Variants in DLEC1 observed in about 807,000 individuals in gnomAD.
DLEC1 encodes the protein deleted in lung and esophageal cancer protein 1.
DLEC1 carries 146 observed loss-of-function variants against 198.1 expected under a neutral mutation model. The observed-to-expected ratio is 0.74, with a 90% CI of 0.64 to 0.85. The LOEUF (loss-of-function observed/expected upper bound fraction) is 0.85, where lower values mean the gene tolerates loss of function less well. Ranked by LOEUF, DLEC1 falls within the 40% of genes least tolerant of loss-of-function variation. DLEC1 has a pLI of 0.00. For missense variants in DLEC1, 2,233 were observed against 2,220.0 expected, an observed-to-expected ratio of 1.01 and a Z score of -0.12; for synonymous variants, 897 against 866.8, an observed-to-expected ratio of 1.03 and a Z score of -0.61.
At chr3:38,059,350 G>A (rs1021208855) in intron 2 of DLEC1, among the ~76,000 whole-genome samples, 2 of 152,234 alleles carry the variant, frequency 1.3e-5, no homozygotes, top group East Asian at 1.9e-4. Flanking sequence ...GCCAAAGCAC[G>A]TCACATGGCC....
chr3:38,081,948 C>T (rs1197225855), intron 6 of DLEC1, among the ~76,000 whole-genome samples: 3 of 145,240 alleles, frequency 2.1e-5, no homozygotes, highest in African/African-American at 7.6e-5. Context: ...AGATGCTCCT[C>T]ACTTCCCAGA....
intron 1 of DLEC1, among the ~76,000 whole-genome samples, chr3:38,041,446 A>T (rs2125566861): frequency 6.6e-6 from 1 of 152,332 alleles, no homozygotes; most frequent in East Asian, 1.9e-4. Flanking sequence ...CCTGGCCCAC[A>T]TTATAAAAAT....
intron 22 of DLEC1, 79 bp from the exon 23 acceptor site, chr3:38,110,020 C>A: frequency 1.3e-6 from 2 of 1,520,278 alleles, no homozygotes; most frequent in East Asian, 2.3e-5. Flanking sequence ...CTTCTGCATG[C>A]CCACCCAAGA....
intron 2 of DLEC1, among the ~76,000 whole-genome samples, chr3:38,057,219 A>G (rs1319336634): frequency 6.6e-6 from 1 of 152,252 alleles, no homozygotes; most frequent in African/African-American, 2.4e-5. Flanking sequence ...AGCTGGGCAC[A>G]GTGGCTCACG....
At chr3:38,063,808 C>T (rs1039020623) in intron 5 of DLEC1, 33 bp from the exon 6 acceptor site, 3 of 1,530,652 alleles carry the variant, frequency 2.0e-6, no homozygotes, top group Non-Finnish European at 2.7e-6. Flanking sequence ...ATGAAACTAA[C>T]AGCCTTTCTC....
intron 6 of DLEC1, among the ~76,000 whole-genome samples, chr3:38,069,249 A>T (rs1404442823): frequency 1.3e-5 from 2 of 152,092 alleles, no homozygotes; most frequent in African/African-American, 2.4e-5. Context: ...AAAAACCCAA[A>T]ACTTTCCACA....
At chr3:38,120,410 C>A (rs752698716) in intron 33 of DLEC1, 38 bp from the exon 34 acceptor site, 2 of 1,609,694 alleles carry the variant, frequency 1.2e-6, no homozygotes, top group Non-Finnish European at 1.7e-6. Context: ...CACCTGCCCT[C>A]TGCAGCCGGA....
chr3:38,061,599 A>G (rs1696690604), intron 3 of DLEC1, among the ~76,000 whole-genome samples: 1 of 152,224 alleles, frequency 6.6e-6, no homozygotes, highest in Non-Finnish European at 1.5e-5. Context: ...TGTGTGTGAC[A>G]GTGGTCTACT....
intron 18 of DLEC1, 68 bp from the exon 19 acceptor site, chr3:38,100,218 C>T (rs1047172134): frequency 2.0e-6 from 3 of 1,508,002 alleles, no homozygotes; most frequent in South Asian, 1.3e-5. Flanking sequence ...TAGGCATGGC[C>T]AGCCCCCAGT....
rs1463970072 is a variant in DLEC1 at position 38,107,731 on chromosome 3, G to A, written c.3012G>A (p.Trp1004Ter). The stretch of plus-strand genomic sequence containing the variant: ...CGCTCCTGCCTACCCAGTTCCACTG[G>A]GGCAAGGTGAGTGAGCCCACAGCAT... Reference protein sequence around the residue: ...NGTLLPTQFHWGKLLGHQAEF... With the variant: ...NGTLLPTQFH Residue 1004 changes from tryptophan (W) to a stop codon, truncating the protein, a stop_gained, in exon 20 of 37, where the codon TGG becomes TGA. Coordinates refer to ENST00000308059, the MANE Select transcript of DLEC1 (RefSeq NM_007335.4). LOFTEE classifies it high-confidence loss of function. 9 of 1,613,492 alleles carry A rather than the reference G, an allele frequency of 5.6e-6. No individual in the cohort carries two copies. The highest frequency in any genetic ancestry group is 7.6e-6 in the Non-Finnish European group (9 of 1,179,798).
At chr3:38,117,337 C>T in intron 31 of DLEC1, 35 bp downstream of exon 31, 1 of 1,610,350 alleles carries the variant, frequency 6.2e-7, no homozygotes, top group Non-Finnish European at 8.5e-7. Context: ...TCCTTTCATC[C>T]CCATGGGGTG....
chr3:38,046,787 C>T (rs745315695), intron 2 of DLEC1, among the ~76,000 whole-genome samples: 1 of 152,186 alleles, frequency 6.6e-6, no homozygotes, highest in Non-Finnish European at 1.5e-5. Context: ...CTTTTTCCCC[C>T]CCTCAGGCCC....
intron 1 of DLEC1, among the ~76,000 whole-genome samples, chr3:38,044,138 T>C (rs759362178): frequency 3.3e-5 from 5 of 151,970 alleles, no homozygotes; most frequent in Non-Finnish European, 7.4e-5. Flanking sequence ...TCCCAGCTAC[T>C]TGGAGGCTGA....
intron 11 of DLEC1, 82 bp from the exon 12 acceptor site, chr3:38,093,523 G>A: frequency 6.6e-7 from 1 of 1,526,042 alleles, no homozygotes; most frequent in Non-Finnish European, 9.0e-7. Context: ...GCATGTGGAT[G>A]GCGGCATGGG....
chr3:38,050,639 TC>T (rs1183916317), intron 2 of DLEC1, among the ~76,000 whole-genome samples: 1 of 152,114 alleles, frequency 6.6e-6, no homozygotes, highest in Non-Finnish European at 1.5e-5. Flanking sequence ...AGGGGTCCAC[TC>T]CCATGACCCA....
chr3:38,084,195 G>A lies in DLEC1; in HGVS notation c.1211G>A (p.Arg404His), dbSNP rs199507233. 307 of 1,613,102 alleles carry A rather than the reference G, an allele frequency of 1.9e-4. No individual in the cohort carries two copies. The highest frequency in any genetic ancestry group is 2.5e-4 in the Non-Finnish European group (291 of 1,179,404). ...IALQNTTTTS[R>H]YLRVLPPSTP... ...CTGCAGAACACCACCACGACCAGCCGCTACCTGCGAGTCCTCCCGCCTTCC... is the reference window on the plus strand; with the variant it reads ...CTGCAGAACACCACCACGACCAGCCACTACCTGCGAGTCCTCCCGCCTTCC... The change falls in exon 7 of 37, where the codon CGC becomes CAC. Residue 404 changes from arginine (R) to histidine (H), a missense_variant. Arg to His is a conservative substitution (Grantham distance 29). Coordinates refer to ENST00000308059, the MANE Select transcript of DLEC1 (RefSeq NM_007335.4).
chr3:38,116,726 G>A (rs1249245626), intron 28 of DLEC1, 47 bp from the exon 29 acceptor site: 2 of 1,608,766 alleles, frequency 1.2e-6, no homozygotes, highest in Non-Finnish European at 1.7e-6. Flanking sequence ...CAGTAGGCTA[G>A]TTGAACCTCA....
chr3:38,079,834 G>C (rs536922895), intron 6 of DLEC1, among the ~76,000 whole-genome samples: 1 of 152,290 alleles, frequency 6.6e-6, no homozygotes, highest in East Asian at 1.9e-4. Context: ...GCTGGGGTTT[G>C]TCTCACAGTG....
chr3:38,108,530 G>A lies in DLEC1; in HGVS notation c.3129+15G>A, dbSNP rs1289073538. The A allele has an allele frequency of 1.2e-6, 2 of 1,608,584 alleles. No homozygotes were observed. The highest frequency in any genetic ancestry group is 8.5e-7 in the Non-Finnish European group (1 of 1,175,844). On this transcript the variant is annotated intron_variant, in intron 21 of 36. Coordinates refer to ENST00000308059, the MANE Select transcript of DLEC1 (RefSeq NM_007335.4). ...CTCATACCCAGGTGAGTAAGGCAAT[G>A]TAGGGCCTGAGTGACCGGGAAGGCA...
Sources: allele counts gnomAD v4.1 joint callset (sites outside exome capture counted in the v4.1 genomes callset), GRCh38; gene constraint gnomAD v4.1.1; transcripts MANE v1.5; gene names NCBI Gene and HGNC (gene_info 2026-07-23, HGNC 2026-07-21).